FAM227B: variants seen among roughly 807,000 people sequenced by gnomAD.
FAM227B encodes the protein family with sequence similarity 227 member B, also known as protein FAM227B.
FAM227B carries 88 observed loss-of-function variants against 73.8 expected under a neutral mutation model. That is an observed-to-expected ratio of 1.19 (90% CI 1.00 to 1.42). The LOEUF is 1.42. Among genes scored for constraint, FAM227B ranks in the 40% most tolerant of loss-of-function variants. FAM227B has a pLI of 0.00. For synonymous variants in FAM227B, 210 were observed against 190.5 expected (o/e 1.10, Z -0.84); for missense variants, 632 against 590.9 (o/e 1.07, Z -0.72).
chr15:49,502,559 C>T (rs2058229396), intron 11 of FAM227B, among the ~76,000 whole-genome samples: 2 of 152,172 alleles, frequency 1.3e-5, no homozygotes, highest in African/African-American at 2.4e-5. Flanking sequence ...GCCTATACTC[C>T]CATCGTATTT....
intron 3 of FAM227B, among the ~76,000 whole-genome samples, chr15:49,606,693 T>C (rs2077542121): frequency 6.6e-6 from 1 of 152,222 alleles, no homozygotes; most frequent in Non-Finnish European, 1.5e-5. Context: ...CTCCTCACCA[T>C]TGTTGGGCTC....
chr15:49,574,334 C>A (rs2152371193), intron 8 of FAM227B, among the ~76,000 whole-genome samples: 1 of 152,212 alleles, frequency 6.6e-6, no homozygotes, highest in Admixed American at 6.5e-5. Flanking sequence ...CAAAACTCAT[C>A]TTGAATTGTA....
chr15:49,501,950 T>C (rs2152093154), intron 11 of FAM227B, among the ~76,000 whole-genome samples: 1 of 152,334 alleles, frequency 6.6e-6, no homozygotes, highest in Admixed American at 6.5e-5. Flanking sequence ...AGGTACAGCT[T>C]GAGCTGCCAC....
intron 11 of FAM227B, among the ~76,000 whole-genome samples, chr15:49,474,099 A>C (rs1597424181): frequency 1.3e-5 from 2 of 152,190 alleles, no homozygotes; most frequent in Admixed American, 6.5e-5. Context: ...ACAGGATTTA[A>C]AATATTTTTA....
chr15:49,609,411 G>A (rs1055296258), intron 3 of FAM227B, among the ~76,000 whole-genome samples: 5 of 151,846 alleles, frequency 3.3e-5, no homozygotes, highest in African/African-American at 1.2e-4. Flanking sequence ...GAGGACTTTA[G>A]ATGATATGAT....
In FAM227B at chr15:49,577,667, G is replaced by A. The variant is rs2075543096; in HGVS notation, c.406-3C>T. ...TCTGTCTCCATTTCATCTGAAAGCT[G>A]GAAAACATTTTAAATAAACTCTTTA... On this transcript the variant is annotated splice_polypyrimidine_tract_variant and splice_region_variant and intron_variant, in intron 5 of 15. Coordinates refer to ENST00000299338, the MANE Select transcript of FAM227B (RefSeq NM_152647.3). The A allele has an allele frequency of 3.9e-6, 6 of 1,547,144 alleles. No homozygotes were observed. Among genetic ancestry groups the A allele is most frequent in the Non-Finnish European group, 5.3e-6 (6 of 1,137,326 alleles).
intron 11 of FAM227B, among the ~76,000 whole-genome samples, chr15:49,417,288 G>A (rs2151714179): frequency 6.6e-6 from 1 of 152,214 alleles, no homozygotes; most frequent in South Asian, 2.1e-4. Flanking sequence ...AGCTACTCAG[G>A]AGGCGGGAGG....
intron 12 of FAM227B, among the ~76,000 whole-genome samples, chr15:49,369,034 C>T (rs1312734693): frequency 6.6e-6 from 1 of 152,234 alleles, no homozygotes; most frequent in Non-Finnish European, 1.5e-5. Flanking sequence ...TCTTGGCTCA[C>T]TGCAAGCTCT....
At chr15:49,502,226 G>A (rs2058196665) in intron 11 of FAM227B, among the ~76,000 whole-genome samples, 1 of 152,166 alleles carries the variant, frequency 6.6e-6, no homozygotes, top group African/African-American at 2.4e-5. Flanking sequence ...CTGTGAGAAG[G>A]GGGCCACTGC....
At chr15:49,490,625 T>C (rs1597551830) in intron 11 of FAM227B, among the ~76,000 whole-genome samples, 1 of 152,034 alleles carries the variant, frequency 6.6e-6, no homozygotes, top group African/African-American at 2.4e-5. Context: ...CTGGATACTA[T>C]AGACAATATT....
At chr15:49,340,610 A>G in intron 13 of FAM227B, among the ~76,000 whole-genome samples, 1 of 152,026 alleles carries the variant, frequency 6.6e-6, no homozygotes, top group Non-Finnish European at 1.5e-5. Flanking sequence ...TAATGGGGCT[A>G]TTTATTATTT....
chr15:49,473,573 T>C (rs1453095691), intron 11 of FAM227B, among the ~76,000 whole-genome samples: 1 of 152,152 alleles, frequency 6.6e-6, no homozygotes, highest in Non-Finnish European at 1.5e-5. Flanking sequence ...GACAATCATA[T>C]TGGAGTTGGT....
intron 11 of FAM227B, among the ~76,000 whole-genome samples, chr15:49,455,790 T>A (rs143512234): frequency 6.6e-6 from 1 of 152,186 alleles, no homozygotes; most frequent in East Asian, 1.9e-4. Flanking sequence ...TAGAAGAAAT[T>A]TTTCAGTTTG....
At chr15:49,558,572 T>C (rs911545347) in intron 9 of FAM227B, among the ~76,000 whole-genome samples, 5 of 152,224 alleles carry the variant, frequency 3.3e-5, no homozygotes. Flanking sequence ...GTTTGTGATA[T>C]TCCTTTTGGT....
chr15:49,410,062 T>C (rs1365080681), intron 11 of FAM227B, among the ~76,000 whole-genome samples: 2 of 152,126 alleles, frequency 1.3e-5, no homozygotes, highest in African/African-American at 4.8e-5. Flanking sequence ...TCACCTATAA[T>C]GCTGGCACTA....
chr15:49,368,146 G>A (rs1254280011), intron 12 of FAM227B, among the ~76,000 whole-genome samples: 1 of 151,706 alleles, frequency 6.6e-6, no homozygotes, highest in African/African-American at 2.4e-5. Context: ...AAACAGGCCA[G>A]AAGGCAGTGG....
intron 11 of FAM227B, among the ~76,000 whole-genome samples, chr15:49,380,412 C>T (rs1213819699): frequency 6.6e-6 from 1 of 152,080 alleles, no homozygotes; most frequent in Non-Finnish European, 1.5e-5. Context: ...AGACAAAGTC[C>T]TCTTTACCTT....
At chr15:49,431,684 G>A (rs7183666) in intron 11 of FAM227B, among the ~76,000 whole-genome samples, 10,178 of 151,510 alleles carry the variant, frequency 0.067, 427 homozygotes, top group East Asian at 0.17. Context: ...TAAAGAGGAA[G>A]AAAATATCTT....
At chr15:49,479,195 T>C (rs548007644) in intron 11 of FAM227B, among the ~76,000 whole-genome samples, 1 of 152,358 alleles carries the variant, frequency 6.6e-6, no homozygotes, top group South Asian at 2.1e-4. Context: ...AAATGGTCAA[T>C]GTGCTTGACA....
Sources: allele counts gnomAD v4.1 joint callset (sites outside exome capture counted in the v4.1 genomes callset), GRCh38; gene constraint gnomAD v4.1.1; transcripts MANE v1.5; gene names NCBI Gene and HGNC (gene_info 2026-07-23, HGNC 2026-07-21).